PPARGC1A: variants seen among roughly 807,000 people sequenced by gnomAD.
PPARGC1A encodes the protein PPARG coactivator 1 alpha.
PPARGC1A carries 25 observed loss-of-function variants against 88.7 expected under a neutral mutation model. The observed-to-expected ratio is 0.28, with a 90% CI of 0.21 to 0.39. The LOEUF (loss-of-function observed/expected upper bound fraction) is 0.39, where lower values mean the gene tolerates loss of function less well. PPARGC1A is among the 10% of genes least tolerant of loss of function. The pLI is 1.00. For synonymous variants in PPARGC1A, 363 were observed against 355.6 expected, an observed-to-expected ratio of 1.02 and a Z score of -0.24; for missense variants, 880 against 968.7, an observed-to-expected ratio of 0.91 and a Z score of 1.22.
the PPARGC1A span, among the ~76,000 whole-genome samples, chr4:24,194,010 T>G: frequency 1.3e-5 from 2 of 151,646 alleles, no homozygotes; most frequent in African/African-American, 4.8e-5. Flanking sequence ...GCACCTATAA[T>G]CCCAGCTACT....
At chr4:24,351,805 A>G in the PPARGC1A span, among the ~76,000 whole-genome samples, 1 of 152,170 alleles carries the variant, frequency 6.6e-6, no homozygotes. Context: ...TAACCTAAAA[A>G]TCACAGGGTT....
At chr4:23,908,233 G>T (rs191460457), upstream of PPARGC1A, among the ~76,000 whole-genome samples, 75 of 152,158 alleles carry the variant, frequency 4.9e-4, no homozygotes, top group East Asian at 0.013. Flanking sequence ...AAATCATCAA[G>T]AATTAAATGT....
the PPARGC1A span, among the ~76,000 whole-genome samples, chr4:24,149,804 T>C: frequency 6.6e-6 from 1 of 152,224 alleles, no homozygotes; most frequent in Non-Finnish European, 1.5e-5. Flanking sequence ...TTAAGCTAGT[T>C]ATGAAATAAT....
chr4:23,862,280 A>G (rs1731344925), intron 2 of PPARGC1A, among the ~76,000 whole-genome samples: 2 of 152,218 alleles, frequency 1.3e-5, no homozygotes, highest in Non-Finnish European at 2.9e-5. Flanking sequence ...AGGTGGAATT[A>G]ATCAGGGAAC....
At chr4:23,865,685 C>T (rs1560472296) in intron 2 of PPARGC1A, among the ~76,000 whole-genome samples, 1 of 152,202 alleles carries the variant, frequency 6.6e-6, no homozygotes, top group Admixed American at 6.5e-5. Flanking sequence ...CCTGGCATAA[C>T]ACCTTGCACA....
the PPARGC1A span, among the ~76,000 whole-genome samples, chr4:24,214,792 G>T: frequency 2.0e-5 from 3 of 152,152 alleles, no homozygotes; most frequent in African/African-American, 7.2e-5. Flanking sequence ...TCACTGAAAT[G>T]CTCACTCCCA....
chr4:24,106,739 C>A, the PPARGC1A span, among the ~76,000 whole-genome samples: 5 of 152,206 alleles, frequency 3.3e-5, no homozygotes, highest in Non-Finnish European at 7.3e-5. Context: ...GCAAAAGTGC[C>A]TTGTCCCTTG....
intron 2 of PPARGC1A, among the ~76,000 whole-genome samples, chr4:23,854,896 A>T (rs2148680267): frequency 6.6e-6 from 1 of 152,288 alleles, no homozygotes; most frequent in South Asian, 2.1e-4. Flanking sequence ...GAAATACTTT[A>T]CCAGCCTAAG....
chr4:24,418,424 C>T, the PPARGC1A span, among the ~76,000 whole-genome samples: 312 of 152,308 alleles, frequency 2.0e-3, 1 homozygote, highest in Non-Finnish European at 2.0e-3. Flanking sequence ...TGAAGTCCTA[C>T]ATGAGCCAGC....
chr4:24,255,172 G>T, the PPARGC1A span, among the ~76,000 whole-genome samples: 4 of 152,118 alleles, frequency 2.6e-5, no homozygotes, highest in Admixed American at 2.6e-4. Context: ...TATTTTCAAT[G>T]ATGCAAACAC....
At chr4:23,850,141 G>A (rs547368169) in intron 2 of PPARGC1A, among the ~76,000 whole-genome samples, 2 of 152,244 alleles carry the variant, frequency 1.3e-5, no homozygotes, top group South Asian at 2.1e-4. Context: ...AAATAATTAG[G>A]TTGGTGCAAA....
chr4:24,358,117 T>C, the PPARGC1A span, among the ~76,000 whole-genome samples: 2 of 152,160 alleles, frequency 1.3e-5, no homozygotes, highest in Admixed American at 1.3e-4. Flanking sequence ...AAGCAGGTGT[T>C]ATTATCTCCA....
chr4:24,048,316 T>C, the PPARGC1A span, among the ~76,000 whole-genome samples: 1 of 152,170 alleles, frequency 6.6e-6, no homozygotes, highest in African/African-American at 2.4e-5. Context: ...AGGATGACTC[T>C]TCTATCAGGA....
At chr4:23,803,345 G>A (rs531429819) in intron 10 of PPARGC1A, among the ~76,000 whole-genome samples, 1 of 152,188 alleles carries the variant, frequency 6.6e-6, no homozygotes, top group South Asian at 2.1e-4. Context: ...TAAGCCATGA[G>A]TCTCCGAAGA....
At chr4:23,802,465 G>A (rs1360494507) in intron 10 of PPARGC1A, 120 bp from the exon 11 acceptor site, 1 of 1,242,428 alleles carries the variant, frequency 8.0e-7, no homozygotes, top group Non-Finnish European at 1.1e-6. Flanking sequence ...GGATCATGAG[G>A]TCAGGAGTTC....
the PPARGC1A span, among the ~76,000 whole-genome samples, chr4:24,066,178 A>T: frequency 6.6e-6 from 1 of 151,922 alleles, no homozygotes; most frequent in African/African-American, 2.4e-5. Flanking sequence ...GAGCCGAACG[A>T]GGGAGGACGA....
the PPARGC1A span, among the ~76,000 whole-genome samples, chr4:24,065,336 T>A: frequency 6.6e-6 from 1 of 152,058 alleles, no homozygotes; most frequent in Non-Finnish European, 1.5e-5. Context: ...CTACATCCTG[T>A]CCTTCACTCA....
chr4:23,971,339 C>A, the PPARGC1A span, among the ~76,000 whole-genome samples: 1 of 152,174 alleles, frequency 6.6e-6, no homozygotes, highest in African/African-American at 2.4e-5. Flanking sequence ...TCCTAATTTG[C>A]CATTTACTGA....
the PPARGC1A span, among the ~76,000 whole-genome samples, chr4:24,007,953 C>A: frequency 2.0e-5 from 3 of 152,246 alleles, no homozygotes; most frequent in African/African-American, 7.2e-5. Flanking sequence ...GCAGCCATTC[C>A]GTCGTCTCCC....
Sources: allele counts gnomAD v4.1 joint callset (sites outside exome capture counted in the v4.1 genomes callset), GRCh38; gene constraint gnomAD v4.1.1; transcripts MANE v1.5; gene names NCBI Gene and HGNC (gene_info 2026-07-23, HGNC 2026-07-21).